Variants in PDE10A observed in about 807,000 individuals in gnomAD.
The protein encoded by PDE10A is cAMP and cAMP-inhibited cGMP 3',5'-cyclic phosphodiesterase 10A.
Under a neutral mutation model 97.7 loss-of-function variants are expected in PDE10A, and 39 were observed. The ratio of observed to expected loss-of-function variants is 0.40; its 90% CI spans 0.31 to 0.52. PDE10A has a LOEUF of 0.52. PDE10A is among the 20% of genes least tolerant of loss of function. The pLI is 0.56. For synonymous variants in PDE10A, 371 were observed against 376.8 expected (o/e 0.98, Z 0.18); for missense variants, 731 against 1,047.8 (o/e 0.70, Z 4.17).
chr6:165,516,959 ATTT>A (rs989030649), intron 2 of PDE10A, among the ~76,000 whole-genome samples: 1 of 152,138 alleles, frequency 6.6e-6, no homozygotes, highest in African/African-American at 2.4e-5. Context: ...AAAGAACTAT[ATTT>A]TTAACATAAT....
intron 1 of PDE10A, among the ~76,000 whole-genome samples, chr6:165,709,262 C>T (rs557967652): frequency 6.9e-6 from 1 of 144,740 alleles, no homozygotes; most frequent in South Asian, 2.3e-4. Context: ...CTCTCCATCC[C>T]CATGCTGCCA....
intron 1 of PDE10A, among the ~76,000 whole-genome samples, chr6:165,871,923 A>C (rs1030015748): frequency 1.3e-5 from 2 of 152,234 alleles, no homozygotes; most frequent in Non-Finnish European, 2.9e-5. Flanking sequence ...GGTATTTTCA[A>C]GAAAATGACA....
At chr6:165,667,305 A>C (rs542812175), upstream of PDE10A, among the ~76,000 whole-genome samples, 5 of 152,290 alleles carry the variant, frequency 3.3e-5, no homozygotes, top group East Asian at 9.6e-4. Flanking sequence ...CGCATTACCC[A>C]AGCAGTATAC....
chr6:165,335,705 A>G (rs1781602527), intron 21 of PDE10A, among the ~76,000 whole-genome samples: 2 of 151,970 alleles, frequency 1.3e-5, no homozygotes, highest in Non-Finnish European at 2.9e-5. Flanking sequence ...AACCACACAC[A>G]TGCCCTTTCT....
chr6:165,852,664 T>A (rs577391750), intron 1 of PDE10A, among the ~76,000 whole-genome samples: 8 of 152,320 alleles, frequency 5.3e-5, no homozygotes, highest in African/African-American at 1.9e-4. Context: ...TCCTGTTTTG[T>A]CATGGAGAGG....
chr6:165,445,258 A>G (rs1583298305), intron 5 of PDE10A, among the ~76,000 whole-genome samples: 1 of 152,356 alleles, frequency 6.6e-6, no homozygotes, highest in Middle Eastern at 3.4e-3. Context: ...TTTGAAATTT[A>G]TTTAAAGGCT....
chr6:165,936,486 T>A (rs1001731262), intron 1 of PDE10A, among the ~76,000 whole-genome samples: 5 of 152,092 alleles, frequency 3.3e-5, no homozygotes, highest in African/African-American at 1.2e-4. Flanking sequence ...GAACAGATGG[T>A]CACGAGGGTC....
intron 1 of PDE10A, among the ~76,000 whole-genome samples, chr6:165,872,197 G>A (rs1781222318): frequency 6.6e-6 from 1 of 152,190 alleles, no homozygotes; most frequent in African/African-American, 2.4e-5. Flanking sequence ...TACTGTATTT[G>A]TAACATGCAC....
chr6:165,763,577 C>T (rs1368296087), intron 1 of PDE10A, among the ~76,000 whole-genome samples: 2 of 152,180 alleles, frequency 1.3e-5, no homozygotes, highest in Admixed American at 6.5e-5. Flanking sequence ...CCTGCCTTGG[C>T]CTCCCAAAGT....
intron 1 of PDE10A, among the ~76,000 whole-genome samples, chr6:165,595,650 T>G (rs1786541871): frequency 6.6e-6 from 1 of 152,186 alleles, no homozygotes; most frequent in Non-Finnish European, 1.5e-5. Context: ...ACAAAACACC[T>G]TAGACTGGAT....
At chr6:165,394,913 C>T (rs1786028542) in intron 15 of PDE10A, among the ~76,000 whole-genome samples, 1 of 152,114 alleles carries the variant, frequency 6.6e-6, no homozygotes, top group South Asian at 2.1e-4. Context: ...GAAAGAAACT[C>T]TAGCCTCTGT....
At chr6:165,652,426 G>A (rs192362367) in intron 1 of PDE10A, among the ~76,000 whole-genome samples, 200 of 151,780 alleles carry the variant, frequency 1.3e-3, no homozygotes, top group African/African-American at 4.6e-3. Context: ...GGCTCAAGCA[G>A]TGCTCCCACC....
chr6:165,465,050 TAA>T (rs1178536607), intron 3 of PDE10A, among the ~76,000 whole-genome samples: 1 of 152,232 alleles, frequency 6.6e-6, no homozygotes, highest in African/African-American at 2.4e-5. Flanking sequence ...GATTGCAAGA[TAA>T]ATGTATGTTT....
intron 3 of PDE10A, among the ~76,000 whole-genome samples, chr6:165,477,640 C>A (rs767011082): frequency 1.3e-5 from 2 of 152,136 alleles, no homozygotes; most frequent in African/African-American, 4.8e-5. Flanking sequence ...CCACACTCAG[C>A]ATTTCCTAGA....
intron 1 of PDE10A, among the ~76,000 whole-genome samples, chr6:165,750,152 A>G (rs1232154681): frequency 6.6e-6 from 1 of 152,162 alleles, no homozygotes; most frequent in Non-Finnish European, 1.5e-5. Flanking sequence ...GAAGCGAGCA[A>G]GGCTTTGTTT....
Position 165,900,493 on chromosome 6 carries a change from T to TA in PDE10A, c.-615+87035dup, listed in dbSNP as rs1218779700. 2.2e-3 allele frequency among the ~76,000 whole-genome samples: 320 copies of TA among 146,838 alleles called. 1 individual carries two copies. Among genetic ancestry groups the TA allele is most frequent in the Middle Eastern group, 6.9e-3 (2 of 288 alleles). On this transcript the variant is annotated intron_variant, in intron 1 of 19. Transcript: ENST00000366882. Reference sequence around the variant, plus strand: ...TCTCAAAAAAAACTACAAATAAAAATAAAAAAAAAAGACATCTGACCAGTG... The same window carrying TA: ...TCTCAAAAAAAACTACAAATAAAAATAAAAAAAAAAAGACATCTGACCAGTG...
At chr6:165,985,006 A>G (rs965561186) in intron 1 of PDE10A, among the ~76,000 whole-genome samples, 1 of 152,144 alleles carries the variant, frequency 6.6e-6, no homozygotes, top group Non-Finnish European at 1.5e-5. Flanking sequence ...GAGAAGAGCC[A>G]TTGCCTCCAT....
At chr6:165,798,939 C>T (rs1421969082) in intron 1 of PDE10A, among the ~76,000 whole-genome samples, 2 of 152,194 alleles carry the variant, frequency 1.3e-5, no homozygotes, top group Non-Finnish European at 2.9e-5. Flanking sequence ...AACTCCTGAC[C>T]TCAAGTGATC....
intron 13 of PDE10A, among the ~76,000 whole-genome samples, chr6:165,405,555 C>T (rs1443974617): frequency 6.6e-6 from 1 of 152,164 alleles, no homozygotes; most frequent in Non-Finnish European, 1.5e-5. Flanking sequence ...TGTTCTAAGA[C>T]TTTATTCACA....
Sources: allele counts gnomAD v4.1 joint callset (sites outside exome capture counted in the v4.1 genomes callset), GRCh38; gene constraint gnomAD v4.1.1; transcripts MANE v1.5; gene names NCBI Gene and HGNC (gene_info 2026-07-23, HGNC 2026-07-21).